Variants in AGBL3 observed in about 807,000 individuals in gnomAD.
AGBL3 encodes the protein cytosolic carboxypeptidase 3.
In AGBL3, 68 loss-of-function variants were observed where a neutral mutation model predicts 94.5. The observed-to-expected ratio is 0.72, with a 90% CI of 0.59 to 0.88. The LOEUF is 0.88. Among genes scored for constraint, AGBL3 ranks in the 40% least tolerant of loss-of-function variants. The pLI, the probability that AGBL3 is intolerant of heterozygous loss-of-function variation, is 0.00. For synonymous variants in AGBL3, 354 were observed against 370.7 expected (o/e 0.95, Z 0.52); for missense variants, 934 against 1,103.8 (o/e 0.85, Z 2.18).
chr7:134,997,262 C>T (rs897921858), intron 4 of AGBL3, among the ~76,000 whole-genome samples: 8 of 152,080 alleles, frequency 5.3e-5, no homozygotes, highest in African/African-American at 1.9e-4. Flanking sequence ...TGGTAATGGT[C>T]GTTCGCCCAC....
At chr7:135,127,299 A>G (rs1828016454) in intron 16 of AGBL3, among the ~76,000 whole-genome samples, 2 of 151,614 alleles carry the variant, frequency 1.3e-5, no homozygotes, top group Admixed American at 6.6e-5. Flanking sequence ...GCTCACGCCT[A>G]TAATCCCAGC....
intron 12 of AGBL3, among the ~76,000 whole-genome samples, chr7:135,063,727 C>T (rs1432723666): frequency 6.6e-6 from 1 of 152,142 alleles, no homozygotes; most frequent in Non-Finnish European, 1.5e-5. Flanking sequence ...ACTATGCAGT[C>T]ACAAAAGCAA....
At position 135,111,090 on chromosome 7, in the gene AGBL3, T is replaced by C. The variant is rs141046517; in HGVS notation, c.2111-4290T>C. On this transcript the variant is annotated intron_variant, in intron 15 of 16. Transcript: ENST00000436302. ...CTTTACCCTCAGTAGATGACCTAAC[T>C]TCTTACTTCACATATAAAACAGAAA... Among the ~76,000 whole-genome samples the C allele has an allele frequency of 1.3e-3, 198 of 152,296 alleles. 3 individuals are homozygous for C. The highest frequency in any genetic ancestry group is 4.7e-3 in the African/African-American group (196 of 41,570).
At chr7:135,128,899 A>C in intron 16 of AGBL3, 2 of 1,438,398 alleles carry the variant, frequency 1.4e-6, no homozygotes, top group Non-Finnish European at 2.0e-6. Context: ...CAGCAGATAA[A>C]ATGCTTTAAT....
intron 4 of AGBL3, among the ~76,000 whole-genome samples, chr7:135,000,501 G>C (rs1190837803): frequency 6.6e-6 from 1 of 152,282 alleles, no homozygotes. Flanking sequence ...TAGTTCTCAG[G>C]CTTTTGGACT....
At chr7:135,072,396 C>A (rs1324612798) in intron 12 of AGBL3, among the ~76,000 whole-genome samples, 1 of 152,166 alleles carries the variant, frequency 6.6e-6, no homozygotes, top group Non-Finnish European at 1.5e-5. Context: ...CCATTTGACC[C>A]AGCCTTCCCA....
chr7:135,060,514 T>A (rs1484181936), intron 12 of AGBL3, among the ~76,000 whole-genome samples: 1 of 152,148 alleles, frequency 6.6e-6, no homozygotes, highest in East Asian at 1.9e-4. Flanking sequence ...CCTATCTAAC[T>A]GGAATTTTGT....
At chr7:135,094,889 G>T (rs1053112022) in intron 15 of AGBL3, among the ~76,000 whole-genome samples, 1 of 152,174 alleles carries the variant, frequency 6.6e-6, no homozygotes, top group Non-Finnish European at 1.5e-5. Context: ...ATTTGCAACA[G>T]CTGGCAAGGA....
intron 4 of AGBL3, among the ~76,000 whole-genome samples, chr7:135,005,382 A>G (rs1812258743): frequency 6.6e-6 from 1 of 151,768 alleles, no homozygotes; most frequent in Non-Finnish European, 1.5e-5. Context: ...TTTAAAAATT[A>G]CTTAGGTGTA....
At chr7:135,000,428 G>A (rs1418451924) in intron 4 of AGBL3, among the ~76,000 whole-genome samples, 2 of 152,128 alleles carry the variant, frequency 1.3e-5, no homozygotes, top group African/African-American at 4.8e-5. Context: ...AAGGATGGAG[G>A]AAGGGTGAGA....
intron 13 of AGBL3, among the ~76,000 whole-genome samples, chr7:135,078,530 A>G (rs1466616516): frequency 4.6e-5 from 7 of 152,150 alleles, no homozygotes; most frequent in African/African-American, 1.7e-4. Flanking sequence ...ATATATTGCA[A>G]GACACATATT....
intron 12 of AGBL3, among the ~76,000 whole-genome samples, chr7:135,070,980 T>C (rs984346615): frequency 2.6e-5 from 4 of 151,996 alleles, no homozygotes; most frequent in African/African-American, 7.2e-5. Flanking sequence ...GAAAACCCCA[T>C]TGTCTCAGCC....
At chr7:135,040,562 A>G (rs1251427099) in intron 8 of AGBL3, among the ~76,000 whole-genome samples, 1 of 147,154 alleles carries the variant, frequency 6.8e-6, no homozygotes, top group South Asian at 2.3e-4. Flanking sequence ...TTTTAACACA[A>G]TTCAGCATCT....
chr7:135,039,454 G>C (rs1026125761), intron 8 of AGBL3, among the ~76,000 whole-genome samples: 2 of 152,140 alleles, frequency 1.3e-5, no homozygotes, highest in Admixed American at 1.3e-4. Flanking sequence ...AAAAGAATAG[G>C]CTGGGTACAA....
intron 15 of AGBL3, 35 bp downstream of exon 15, chr7:135,081,825 G>A: frequency 7.4e-7 from 1 of 1,357,668 alleles, no homozygotes; most frequent in South Asian, 1.3e-5. Flanking sequence ...GTAATGAGTG[G>A]TCCCCTATGA....
intron 12 of AGBL3, among the ~76,000 whole-genome samples, chr7:135,074,173 G>A (rs758636112): frequency 2.0e-5 from 3 of 152,106 alleles, no homozygotes; most frequent in Admixed American, 6.5e-5. Flanking sequence ...AAAACATCAT[G>A]TACACCTTAA....
intron 8 of AGBL3, among the ~76,000 whole-genome samples, chr7:135,041,989 T>G (rs185854570): frequency 5.1e-4 from 77 of 152,306 alleles, no homozygotes; most frequent in Non-Finnish European, 9.3e-4. Flanking sequence ...ATTATATACC[T>G]TTAGAATTGC....
intron 16 of AGBL3, chr7:135,128,646 C>A (rs1828296020): frequency 1.1e-6 from 1 of 931,840 alleles, no homozygotes; most frequent in South Asian, 1.4e-5. Context: ...TGCCTGGATG[C>A]AATTTCTTAA....
chr7:135,021,769 G>A (rs1307993252), intron 5 of AGBL3, among the ~76,000 whole-genome samples: 1 of 151,388 alleles, frequency 6.6e-6, no homozygotes, highest in South Asian at 2.1e-4. Context: ...TGTCACCTAG[G>A]TTTTAAGCTC....
Sources: gnomAD v4.1 joint callset for allele counts (sites outside exome capture counted in the v4.1 genomes callset) on GRCh38, gnomAD v4.1.1 for gene constraint, MANE v1.5 for transcripts, NCBI Gene and HGNC (gene_info 2026-07-23, HGNC 2026-07-21) for gene names.